PDE1C: variants seen among roughly 807,000 people sequenced by gnomAD.
PDE1C encodes the protein phosphodiesterase 1C.
In PDE1C, 62 loss-of-function variants were observed where a neutral mutation model predicts 93.1. The observed-to-expected ratio is 0.67, with a 90% confidence interval of 0.54 to 0.82. PDE1C has a LOEUF of 0.82. Ranked by LOEUF, PDE1C falls within the 40% of genes least tolerant of loss-of-function variation. The pLI is 0.00. For synonymous variants in PDE1C, 325 were observed against 310.1 expected, an observed-to-expected ratio of 1.05 and a Z score of -0.50; for missense variants, 742 against 884.6, an observed-to-expected ratio of 0.84 and a Z score of 2.04.
intron 2 of PDE1C, among the ~76,000 whole-genome samples, chr7:31,943,738 A>G (rs909820641): frequency 7.2e-5 from 11 of 152,182 alleles, no homozygotes; most frequent in Non-Finnish European, 1.0e-4. Flanking sequence ...CCTGCCAAGG[A>G]ATCTAAAACT....
At chr7:32,329,619 A>G (rs1783473078) in intron 1 of PDE1C, among the ~76,000 whole-genome samples, 1 of 152,220 alleles carries the variant, frequency 6.6e-6, no homozygotes, top group South Asian at 2.1e-4. Context: ...TAATAATGCT[A>G]ACAAGTTATC....
At chr7:31,845,548 G>T (rs1792457671) in intron 9 of PDE1C, among the ~76,000 whole-genome samples, 1 of 152,086 alleles carries the variant, frequency 6.6e-6, no homozygotes, top group Non-Finnish European at 1.5e-5. Context: ...GGCTAGGGAA[G>T]GCATAGCATT....
At chr7:32,301,159 A>G (rs1489386392), upstream of PDE1C, among the ~76,000 whole-genome samples, 1 of 152,134 alleles carries the variant, frequency 6.6e-6, no homozygotes, top group Non-Finnish European at 1.5e-5. Context: ...ATTTTTTAAT[A>G]TAGTAACCAC....
At chr7:31,771,930 C>T (rs1795511958) in intron 17 of PDE1C, among the ~76,000 whole-genome samples, 1 of 151,598 alleles carries the variant, frequency 6.6e-6, no homozygotes, top group South Asian at 2.1e-4. Context: ...CCTGTAGTCC[C>T]AGCTACTCAG....
chr7:32,383,385 G>C (rs567425924), intron 1 of PDE1C, among the ~76,000 whole-genome samples: 64 of 152,322 alleles, frequency 4.2e-4, no homozygotes, highest in Middle Eastern at 6.8e-3. Context: ...ATTGCTGTGT[G>C]ACTTTGGGTA....
At position 31,922,025 on chromosome 7, in the gene PDE1C, AG is replaced by A. The variant is rs767352495; in HGVS notation, c.129-41166del. ...AATTTTCCAAGGTCAAACAGCTGAT[AG>A]GTGGTAGAGATAAAATCCGAAACCT... On this transcript the variant is annotated intron_variant, in intron 2 of 17. Coordinates refer to ENST00000396191, the MANE Select transcript of PDE1C (RefSeq NM_001191057.4). Among the ~76,000 whole-genome samples, 4 of 152,326 alleles carry A rather than the reference AG, an allele frequency of 2.6e-5. No individual in the cohort carries two copies. In the South Asian group the frequency reaches 6.2e-4, roughly 24 times the overall value.
At chr7:32,201,102 T>C (rs1804979933) in intron 2 of PDE1C, among the ~76,000 whole-genome samples, 1 of 152,264 alleles carries the variant, frequency 6.6e-6, no homozygotes, top group African/African-American at 2.4e-5. Context: ...CGTACTGATA[T>C]TAAATTCTTC....
At chr7:31,639,544 T>TTTG in the PDE1C span, among the ~76,000 whole-genome samples, 126 of 135,196 alleles carry the variant, frequency 9.3e-4, no homozygotes, top group Middle Eastern at 0.011. Flanking sequence ...TTTTGTTTTT[T>TTTG]TTTTTTTTTT....
At chr7:32,127,293 T>C (rs1056304362) in intron 3 of PDE1C, among the ~76,000 whole-genome samples, 4 of 152,146 alleles carry the variant, frequency 2.6e-5, no homozygotes, top group Non-Finnish European at 5.9e-5. Context: ...TAAATCTCTT[T>C]CTATATTTGC....
At chr7:31,801,448 T>G (rs1382653108) in intron 16 of PDE1C, among the ~76,000 whole-genome samples, 1 of 151,488 alleles carries the variant, frequency 6.6e-6, no homozygotes, top group Non-Finnish European at 1.5e-5. Context: ...TTTTAAATAT[T>G]CTGTATGCAC....
chr7:31,914,751 T>C (rs1418882143), intron 2 of PDE1C, among the ~76,000 whole-genome samples: 2 of 152,226 alleles, frequency 1.3e-5, no homozygotes, highest in Admixed American at 6.5e-5. Flanking sequence ...TTTTTTCTTC[T>C]ATTTTAAATG....
chr7:32,176,695 A>T (rs909448681), intron 2 of PDE1C, among the ~76,000 whole-genome samples: 1 of 71,366 alleles, frequency 1.4e-5, no homozygotes, highest in Non-Finnish European at 2.6e-5. Context: ...ATATGCACAC[A>T]CACGTACTCA....
At chr7:31,979,773 T>C (rs2192388) in intron 2 of PDE1C, among the ~76,000 whole-genome samples, 100,492 of 152,102 alleles carry the variant, frequency 0.66, 34,290 homozygotes, top group African/African-American at 0.83. Flanking sequence ...TCTTAAGCAC[T>C]AGCCAAGGAA....
At chr7:32,050,089 A>G (rs1793148278) in intron 2 of PDE1C, among the ~76,000 whole-genome samples, 1 of 152,178 alleles carries the variant, frequency 6.6e-6, no homozygotes, top group Non-Finnish European at 1.5e-5. Flanking sequence ...ATCTAAACAT[A>G]TCTAAACATA....
At chr7:31,773,276 C>T (rs1409884083) in intron 17 of PDE1C, among the ~76,000 whole-genome samples, 1 of 152,082 alleles carries the variant, frequency 6.6e-6, no homozygotes, top group Non-Finnish European at 1.5e-5. Context: ...GAGCCTAAGA[C>T]ACTCCTTTTG....
chr7:31,760,568 C>T (rs1033619968), intron 17 of PDE1C, among the ~76,000 whole-genome samples: 3 of 152,166 alleles, frequency 2.0e-5, no homozygotes, highest in Non-Finnish European at 4.4e-5. Context: ...TGAACCTCTT[C>T]AGGTGAGCAT....
intron 3 of PDE1C, among the ~76,000 whole-genome samples, chr7:32,140,193 C>G (rs1800436049): frequency 6.6e-6 from 1 of 152,112 alleles, no homozygotes; most frequent in Non-Finnish European, 1.5e-5. Context: ...GACAACCAAC[C>G]AAAGCAAATT....
At chr7:32,377,613 T>G (rs1784454943) in intron 1 of PDE1C, among the ~76,000 whole-genome samples, 1 of 152,210 alleles carries the variant, frequency 6.6e-6, no homozygotes, top group African/African-American at 2.4e-5. Flanking sequence ...CCAAGCCCTA[T>G]TCTAAGTGCT....
At chr7:31,998,759 C>G (rs945624259) in intron 2 of PDE1C, among the ~76,000 whole-genome samples, 3 of 152,142 alleles carry the variant, frequency 2.0e-5, no homozygotes, top group Admixed American at 2.0e-4. Context: ...AAATAATTAA[C>G]CAAAATTTAT....
Sources: allele counts gnomAD v4.1 joint callset (sites outside exome capture counted in the v4.1 genomes callset), GRCh38; gene constraint gnomAD v4.1.1; transcripts MANE v1.5; gene names NCBI Gene and HGNC (gene_info 2026-07-23, HGNC 2026-07-21).